NEBL: variants seen among roughly 807,000 people sequenced by gnomAD.
NEBL encodes the protein nebulette.
Under a neutral mutation model 140.2 loss-of-function variants are expected in NEBL, and 122 were observed. That is an observed-to-expected ratio of 0.87 (90% CI 0.75 to 1.01). NEBL has a LOEUF of 1.01. NEBL is among the 50% of genes least tolerant of loss of function. The probability of loss-of-function intolerance (pLI) is 0.00; values close to 1 mark genes in which losing one functional copy is unlikely to be tolerated. For synonymous variants in NEBL, 436 were observed against 398.9 expected (o/e 1.09, Z -1.11); for missense variants, 1,365 against 1,231.3 (o/e 1.11, Z -1.62).
intron 2 of NEBL, among the ~76,000 whole-genome samples, chr10:21,096,417 C>T (rs2131978286): frequency 6.6e-6 from 1 of 151,718 alleles, no homozygotes; most frequent in Non-Finnish European, 1.5e-5. Context: ...TTTAAAAGCC[C>T]TTTTATTAAA....
chr10:21,113,017 C>G (rs1310605652), intron 2 of NEBL: 1 of 232,502 alleles, frequency 4.3e-6, no homozygotes, highest in Non-Finnish European at 8.2e-6. Flanking sequence ...TGCTGCCACT[C>G]CTGAAGAAGA....
Position 20,859,699 on chromosome 10 carries a change from G to A in NEBL, c.798+14C>T, listed in dbSNP as rs968358305. On this transcript the variant is annotated intron_variant, in intron 8 of 27. Coordinates refer to ENST00000377122, the MANE Select transcript of NEBL (RefSeq NM_006393.3). Reference sequence around the variant, plus strand: ...AAAGATTTTGAAAATAATTTTCTATGAATTACAACTTACATTGCTCGCCAG... The same window carrying A: ...AAAGATTTTGAAAATAATTTTCTATAAATTACAACTTACATTGCTCGCCAG... 2.0e-6 allele frequency: 3 copies of A among 1,480,426 alleles called. No individual in the cohort carries two copies. The African/African-American group carries it at 4.2e-5, about 21-fold the overall frequency. The allele number at this position is 1,480,426 out of a possible 1,614,324, so 91.7% of individuals were successfully genotyped here.
chr10:21,284,628 G>A (rs1020889580), intron 1 of NEBL, among the ~76,000 whole-genome samples: 2 of 152,108 alleles, frequency 1.3e-5, no homozygotes, highest in African/African-American at 4.8e-5. Flanking sequence ...AGCACAAGGA[G>A]TGCTATATAA....
chr10:21,040,418 C>T (rs1024979084), intron 2 of NEBL, among the ~76,000 whole-genome samples: 1 of 152,196 alleles, frequency 6.6e-6, no homozygotes, highest in African/African-American at 2.4e-5. Flanking sequence ...GCATCTGTTT[C>T]TGGTGAGGCC....
chr10:21,150,592 T>C (rs1840098954), intron 2 of NEBL, among the ~76,000 whole-genome samples: 2 of 152,194 alleles, frequency 1.3e-5, no homozygotes, highest in South Asian at 4.1e-4. Context: ...AATATAAAAA[T>C]GAGATGTGAA....
intron 4 of NEBL, among the ~76,000 whole-genome samples, chr10:20,921,903 A>G (rs1833604648): frequency 6.6e-6 from 1 of 152,208 alleles, no homozygotes. Context: ...ACATATCTAA[A>G]TAAGTACATA....
chr10:21,003,994 C>T (rs11012476), intron 3 of NEBL, among the ~76,000 whole-genome samples: 4,924 of 152,244 alleles, frequency 0.032, 258 homozygotes, highest in African/African-American at 0.11. Context: ...ATGTGTATCA[C>T]GGCTAAAAAT....
chr10:21,055,539 T>C (rs1834980338), intron 2 of NEBL, among the ~76,000 whole-genome samples: 1 of 152,158 alleles, frequency 6.6e-6, no homozygotes, highest in Non-Finnish European at 1.5e-5. Flanking sequence ...CCATTCTGCA[T>C]GTAACCACAT....
At chr10:20,904,340 A>T (rs1237447661) in intron 4 of NEBL, among the ~76,000 whole-genome samples, 1 of 152,186 alleles carries the variant, frequency 6.6e-6, no homozygotes, top group Non-Finnish European at 1.5e-5. Flanking sequence ...CTTTGAACCA[A>T]CTGTAAGGTC....
At chr10:20,956,110 G>A (rs1183086774) in intron 4 of NEBL, among the ~76,000 whole-genome samples, 1 of 152,128 alleles carries the variant, frequency 6.6e-6, no homozygotes, top group South Asian at 2.1e-4. Flanking sequence ...AGCCTTTGAA[G>A]TTCTGCTCTA....
chr10:20,920,796 ACT>A (rs931224824), intron 4 of NEBL, among the ~76,000 whole-genome samples: 2 of 152,100 alleles, frequency 1.3e-5, no homozygotes, highest in Non-Finnish European at 2.9e-5. Flanking sequence ...AACAAAGCAA[ACT>A]CTACCATTTG....
chr10:21,141,919 C>T (rs773667178), intron 2 of NEBL, among the ~76,000 whole-genome samples: 11 of 152,310 alleles, frequency 7.2e-5, no homozygotes, highest in African/African-American at 2.2e-4. Flanking sequence ...CCACCTCCCA[C>T]GCCTTCAGCA....
intron 7 of NEBL, among the ~76,000 whole-genome samples, chr10:20,862,862 CT>C (rs1291764072): frequency 2.6e-5 from 4 of 151,576 alleles, no homozygotes; most frequent in Admixed American, 6.6e-5. Flanking sequence ...TATTTATCAC[CT>C]TTTTTTATTA....
intron 3 of NEBL, among the ~76,000 whole-genome samples, chr10:21,243,113 G>A (rs1842461859): frequency 6.6e-6 from 1 of 152,092 alleles, no homozygotes; most frequent in Non-Finnish European, 1.5e-5. Flanking sequence ...ACTCTGATGA[G>A]TCTCCACTTA....
upstream of NEBL, chr10:21,174,211 C>A (rs1362723590): frequency 9.4e-6 from 2 of 213,824 alleles, no homozygotes; most frequent in Admixed American, 6.5e-5. Context: ...CGCGCCCGGA[C>A]CGAAGTGGCA....
At chr10:20,900,761 CT>C (rs1356997548), upstream of NEBL, among the ~76,000 whole-genome samples, 26 of 149,860 alleles carry the variant, frequency 1.7e-4, no homozygotes, top group East Asian at 5.0e-3. Context: ...AGAAGAATCG[CT>C]TGAACTTGGG....
At chr10:20,961,729 G>C (rs370924189) in exon 4 of NEBL, 3 of 1,613,748 alleles carry the variant, frequency 1.9e-6, no homozygotes, top group Non-Finnish European at 2.5e-6. Flanking sequence ...TGTCCGTGAC[G>C]ATGCTGAAGC....
At chr10:21,213,283 T>C (rs987018454) in intron 3 of NEBL, among the ~76,000 whole-genome samples, 2 of 152,216 alleles carry the variant, frequency 1.3e-5, no homozygotes, top group African/African-American at 4.8e-5. Flanking sequence ...CAGACTGATT[T>C]GACTCCCTTT....
chr10:21,266,267 G>T (rs965082639), intron 1 of NEBL, among the ~76,000 whole-genome samples: 5 of 151,956 alleles, frequency 3.3e-5, no homozygotes, highest in African/African-American at 1.2e-4. Context: ...TTAGCCTCCC[G>T]AGTAGCTGGG....
Sources: allele counts gnomAD v4.1 joint callset (sites outside exome capture counted in the v4.1 genomes callset), GRCh38; gene constraint gnomAD v4.1.1; transcripts MANE v1.5; gene names NCBI Gene and HGNC (gene_info 2026-07-23, HGNC 2026-07-21).